Variants in IMPA2 observed in about 807,000 individuals in gnomAD.
IMPA2 encodes IMP 2.
A neutral mutation model predicts 35.1 loss-of-function variants in IMPA2; 32 were observed. The ratio of observed to expected loss-of-function variants is 0.91; its 90% CI spans 0.69 to 1.23. IMPA2 has a LOEUF of 1.23. IMPA2 is among the 50% of genes most tolerant of loss of function. IMPA2 has a pLI of 0.00. For missense variants in IMPA2, 334 were observed against 387.6 expected, an observed-to-expected ratio of 0.86 and a Z score of 1.16; for synonymous variants, 135 against 160.6, an observed-to-expected ratio of 0.84 and a Z score of 1.20.
intron 1 of IMPA2, among the ~76,000 whole-genome samples, chr18:11,986,505 T>C (rs907567505): frequency 3.3e-4 from 50 of 152,088 alleles, no homozygotes; most frequent in African/African-American, 1.1e-3. Context: ...TGAATACTCT[T>C]TTGTCTACCT....
At chr18:12,017,844 G>C in intron 5 of IMPA2, 1 of 335,620 alleles carries the variant, frequency 3.0e-6, no homozygotes, top group Non-Finnish European at 5.8e-6. Flanking sequence ...CTTTTGCCTC[G>C]GCCTCCGAAA....
At chr18:12,029,640 C>T (rs991336472) in intron 7 of IMPA2, among the ~76,000 whole-genome samples, 1 of 151,898 alleles carries the variant, frequency 6.6e-6, no homozygotes, top group Non-Finnish European at 1.5e-5. Flanking sequence ...AGGCTGGTCT[C>T]GAACTCCTGA....
intron 5 of IMPA2, among the ~76,000 whole-genome samples, chr18:12,016,825 C>T (rs765656890): frequency 2.6e-5 from 4 of 152,102 alleles, no homozygotes; most frequent in Admixed American, 6.6e-5. Context: ...TAAAAATAAC[C>T]GAGAGGATTA....
At chr18:11,983,616 GC>G (rs1906568826) in intron 1 of IMPA2, among the ~76,000 whole-genome samples, 1 of 152,212 alleles carries the variant, frequency 6.6e-6, no homozygotes, top group Non-Finnish European at 1.5e-5. Context: ...CAACTTGCCA[GC>G]AACAAAAAAA....
At chr18:12,013,488 C>G (rs1907489881) in intron 4 of IMPA2, among the ~76,000 whole-genome samples, 1 of 152,214 alleles carries the variant, frequency 6.6e-6, no homozygotes, top group Admixed American at 6.5e-5. Flanking sequence ...ACCCCAGGGC[C>G]AGCCAAGGCT....
chr18:12,019,034 C>T (rs1221285526), intron 5 of IMPA2, among the ~76,000 whole-genome samples: 1 of 152,008 alleles, frequency 6.6e-6, no homozygotes, highest in Non-Finnish European at 1.5e-5. Context: ...ATAGGTTTCC[C>T]AGGCTGGTCT....
Position 11,981,621 on chromosome 18 carries a change from G to A in IMPA2, c.-49G>A, listed in dbSNP as rs1906499239. ...GGGACGGCGGGATCCGGTGGGAGCC[G>A]GAGTCCCGCCGAGGGGGGCTGGAGG... On this transcript the variant is annotated 5_prime_UTR_variant, in exon 1 of 8. Transcript: ENST00000269159. 4 of 1,162,214 alleles carry A rather than the reference G, an allele frequency of 3.4e-6. No individual in the cohort carries two copies. The highest frequency in any genetic ancestry group is 4.3e-5 in the Admixed American group (1 of 23,436). The allele number at this position is 1,162,214 out of a possible 1,614,324, so 72.0% of individuals were successfully genotyped here.
chr18:12,016,425 C>CTT (rs1262483020), intron 5 of IMPA2, among the ~76,000 whole-genome samples: 19 of 132,376 alleles, frequency 1.4e-4, no homozygotes, highest in South Asian at 2.3e-4. Flanking sequence ...GATTCTGCCG[C>CTT]TTTTTTTTTT....
At chr18:11,990,092 G>C (rs776623120) in intron 1 of IMPA2, among the ~76,000 whole-genome samples, 35 of 152,204 alleles carry the variant, frequency 2.3e-4, no homozygotes, top group Non-Finnish European at 4.4e-4. Flanking sequence ...CTCTTCTGTG[G>C]GAGTGAGGGA....
chr18:12,024,624 C>T (rs1363020682), intron 5 of IMPA2, among the ~76,000 whole-genome samples: 1 of 152,170 alleles, frequency 6.6e-6, no homozygotes, highest in Non-Finnish European at 1.5e-5. Flanking sequence ...ACAATTCATT[C>T]TTCCTTGATT....
At chr18:11,999,648 CA>C (rs1239155736) in intron 2 of IMPA2, among the ~76,000 whole-genome samples, 1 of 152,246 alleles carries the variant, frequency 6.6e-6, no homozygotes, top group Non-Finnish European at 1.5e-5. Flanking sequence ...CCCGGCCCAC[CA>C]CTAGTGCTTA....
At chr18:12,005,502 A>ATT (rs1040216683) in intron 2 of IMPA2, among the ~76,000 whole-genome samples, 4 of 149,126 alleles carry the variant, frequency 2.7e-5, no homozygotes, top group African/African-American at 9.9e-5. Context: ...AAAAAAAAAA[A>ATT]TTTCTAAAAG....
chr18:11,988,787 C>T (rs1393687595), intron 1 of IMPA2, among the ~76,000 whole-genome samples: 4 of 152,138 alleles, frequency 2.6e-5, no homozygotes, highest in Admixed American at 1.3e-4. Context: ...AGCTGAGAGT[C>T]GAGTGTTCTC....
chr18:12,026,822 G>C (rs1907892972), intron 5 of IMPA2, among the ~76,000 whole-genome samples: 2 of 152,264 alleles, frequency 1.3e-5, no homozygotes, highest in Admixed American at 1.3e-4. Flanking sequence ...CCTGCTGCCA[G>C]TCCCAGGGCA....
chr18:11,995,698 C>G (rs1194336301), intron 1 of IMPA2, among the ~76,000 whole-genome samples: 1 of 152,144 alleles, frequency 6.6e-6, no homozygotes, highest in Non-Finnish European at 1.5e-5. Context: ...CAGATCTGGT[C>G]TAGCTCCAGG....
rs1906502766 is a variant in IMPA2, at chr18:11,981,691, C to G, written c.22C>G (p.Gln8Glu). 8.1e-7 allele frequency: 1 copy of G among 1,230,804 alleles called. No individual in the cohort carries two copies. The highest frequency in any genetic ancestry group is 1.0e-6 in the Non-Finnish European group (1 of 987,072). 76.2% of individuals were successfully genotyped at this position (1,230,804 alleles called of 1,614,324 possible). The change falls in exon 1 of 8, where the codon CAG becomes GAG. Residue 8 changes from glutamine to glutamate, a missense_variant. Coordinates refer to ENST00000269159, the MANE Select transcript of IMPA2 (RefSeq NM_014214.3). ...CGCGATGAAGCCGAGCGGCGAGGAC[C>G]AGGCGGCGCTGGCGGCCGGCCCCTG... MKPSGED[Q>E]AALAAGPWEE... is the part of the protein sequence containing the mutation.
intron 1 of IMPA2, among the ~76,000 whole-genome samples, chr18:11,995,603 C>T (rs1906938721): frequency 6.6e-6 from 1 of 152,190 alleles, no homozygotes. Context: ...ACCAAGTGCT[C>T]TGCTGGGGAG....
At chr18:11,995,807 C>G (rs1906943853) in intron 1 of IMPA2, among the ~76,000 whole-genome samples, 2 of 152,204 alleles carry the variant, frequency 1.3e-5, no homozygotes, top group Non-Finnish European at 2.9e-5. Flanking sequence ...CACACAGACA[C>G]TAGTGTTCCC....
At chr18:11,998,174 A>G (rs563911828) in intron 1 of IMPA2, among the ~76,000 whole-genome samples, 9 of 152,202 alleles carry the variant, frequency 5.9e-5, no homozygotes, top group Non-Finnish European at 8.8e-5. Context: ...GTAAAACAAA[A>G]CAAAGCAAAA....
Sources: allele counts gnomAD v4.1 joint callset (sites outside exome capture counted in the v4.1 genomes callset), GRCh38; gene constraint gnomAD v4.1.1; transcripts MANE v1.5; gene names NCBI Gene and HGNC (gene_info 2026-07-23, HGNC 2026-07-21).